Variants in FAT3 observed in about 807,000 individuals in gnomAD.
The protein encoded by FAT3 is FAT atypical cadherin 3, also known as protocadherin Fat 3.
Under a neutral mutation model 310.2 loss-of-function variants are expected in FAT3, and 95 were observed. That is an observed-to-expected ratio of 0.31 (90% CI 0.26 to 0.36). The LOEUF (loss-of-function observed/expected upper bound fraction) is 0.36. Among genes scored for constraint, FAT3 ranks in the 10% least tolerant of loss-of-function variants. The probability of loss-of-function intolerance (pLI) is 1.00; values close to 1 mark genes in which losing one functional copy is unlikely to be tolerated. For missense variants in FAT3, 5,408 were observed against 5,715.6 expected, an observed-to-expected ratio of 0.95 and a Z score of 1.74; for synonymous variants, 2,314 against 2,192.9, an observed-to-expected ratio of 1.06 and a Z score of -1.54.
Position 92,798,463 on chromosome 11 carries a change from A to C in FAT3, c.5450A>C (p.Glu1817Ala), listed in dbSNP as rs773229264. The C allele has an allele frequency of 6.2e-7, 1 of 1,613,588 alleles. No homozygotes were observed. The highest frequency in any genetic ancestry group is 1.1e-5 in the South Asian group (1 of 91,044). Residue 1817 changes from glutamate to alanine, a missense_variant, in exon 10 of 28, where the codon GAG becomes GCG. Glu to Ala is a moderately radical substitution (Grantham distance 107, BLOSUM62 -1). Transcript: ENST00000525166. ...RNALLVYQIV[E>A]STAKKFFTVD... The stretch of plus-strand genomic sequence containing the variant: ...GCTCTGCTTGTGTATCAGATTGTGG[A>C]GTCAACAGCAAAAAAGTTTTTCACG...
chr11:92,571,177 A>G (rs960347093), intron 3 of FAT3, among the ~76,000 whole-genome samples: 1 of 152,216 alleles, frequency 6.6e-6, no homozygotes, highest in Non-Finnish European at 1.5e-5. Flanking sequence ...AGAATGAATT[A>G]GGAGGAAAGA....
chr11:92,804,477 A>G (rs1947447735), intron 10 of FAT3, among the ~76,000 whole-genome samples: 1 of 152,090 alleles, frequency 6.6e-6, no homozygotes, highest in South Asian at 2.1e-4. Flanking sequence ...TCCATGCTTC[A>G]GCATCTTAGA....
chr11:92,759,897 A>C (rs1946100343), intron 4 of FAT3, among the ~76,000 whole-genome samples: 1 of 152,108 alleles, frequency 6.6e-6, no homozygotes, highest in Non-Finnish European at 1.5e-5. Context: ...TTAATTGACA[A>C]GGAGGTGATT....
At chr11:92,719,466 A>T (rs1944792142) in intron 4 of FAT3, among the ~76,000 whole-genome samples, 1 of 147,952 alleles carries the variant, frequency 6.8e-6, no homozygotes, top group South Asian at 2.1e-4. Flanking sequence ...ACATAAAATG[A>T]TGTAGTATTT....
intron 3 of FAT3, among the ~76,000 whole-genome samples, chr11:92,615,521 A>G (rs1233097117): frequency 6.6e-6 from 1 of 152,174 alleles, no homozygotes; most frequent in Non-Finnish European, 1.5e-5. Flanking sequence ...TGCTGGGATT[A>G]CAGGCGTAAG....
intron 1 of FAT3, among the ~76,000 whole-genome samples, chr11:92,351,708 C>T (rs1383410439): frequency 6.6e-6 from 1 of 151,672 alleles, no homozygotes; most frequent in African/African-American, 2.4e-5. Context: ...AGATAATTGT[C>T]TAAATGTTTC....
intron 3 of FAT3, among the ~76,000 whole-genome samples, chr11:92,615,571 G>A (rs1250915180): frequency 6.6e-6 from 1 of 152,136 alleles, no homozygotes; most frequent in African/African-American, 2.4e-5. Context: ...ATGATGTTAG[G>A]TTGTCAATTT....
chr11:92,297,427 A>C (rs1384161105), intron 1 of FAT3, among the ~76,000 whole-genome samples: 1 of 152,168 alleles, frequency 6.6e-6, no homozygotes, highest in African/African-American at 2.4e-5. Flanking sequence ...ACTTTGTAAC[A>C]GTCACAAGAA....
intron 4 of FAT3, among the ~76,000 whole-genome samples, chr11:92,737,206 G>A (rs558416801): frequency 1.2e-4 from 19 of 152,238 alleles, no homozygotes; most frequent in African/African-American, 4.6e-4. Flanking sequence ...GAAAGAAATT[G>A]AAATTTCAAG....
At position 92,602,727 on chromosome 11, in the gene FAT3, A is replaced by C. The variant is rs964269583; in HGVS notation, c.3607+77779A>C. On this transcript the variant is annotated intron_variant, in intron 3 of 27. Transcript: ENST00000525166. ...CTGCCTGTTTGCTTTGTTGTTAAACAGCTACTGTAATCCACTCCAGCCTGA... is the reference window on the plus strand; with the variant it reads ...CTGCCTGTTTGCTTTGTTGTTAAACCGCTACTGTAATCCACTCCAGCCTGA... Among the ~76,000 whole-genome samples the C allele has an allele frequency of 2.0e-5, 3 of 152,360 alleles. No individual in the cohort carries two copies. The South Asian group carries it at 6.2e-4, about 32-fold the overall frequency.
intron 2 of FAT3, among the ~76,000 whole-genome samples, chr11:92,518,669 A>C (rs1193132740): frequency 6.6e-6 from 1 of 152,164 alleles, no homozygotes; most frequent in Admixed American, 6.5e-5. Flanking sequence ...ACAATAAAAA[A>C]AAAAATTGGT....
intron 2 of FAT3, among the ~76,000 whole-genome samples, chr11:92,438,006 A>G (rs1354305485): frequency 1.3e-5 from 2 of 152,150 alleles, no homozygotes; most frequent in Admixed American, 6.5e-5. Context: ...AAGTGGATGT[A>G]TGGAAGGTAT....
At chr11:92,376,481 T>C (rs1949349781) in intron 2 of FAT3, among the ~76,000 whole-genome samples, 1 of 152,220 alleles carries the variant, frequency 6.6e-6, no homozygotes, top group Admixed American at 6.5e-5. Context: ...GGATCTCACA[T>C]GCTCACTTAA....
At chr11:92,661,173 G>A (rs1942767655) in intron 3 of FAT3, among the ~76,000 whole-genome samples, 1 of 152,200 alleles carries the variant, frequency 6.6e-6, no homozygotes, top group Non-Finnish European at 1.5e-5. Flanking sequence ...GCAGGGGTGA[G>A]CCAGCAGAAG....
intron 1 of FAT3, among the ~76,000 whole-genome samples, chr11:92,295,396 G>T (rs1162494968): frequency 6.6e-6 from 1 of 152,118 alleles, no homozygotes; most frequent in Non-Finnish European, 1.5e-5. Flanking sequence ...TTTGGACAGG[G>T]AGTTGAGGAA....
At chr11:92,571,880 T>C (rs1291062595) in intron 3 of FAT3, among the ~76,000 whole-genome samples, 2 of 152,222 alleles carry the variant, frequency 1.3e-5, no homozygotes, top group Non-Finnish European at 2.9e-5. Context: ...CTTGGGTGCC[T>C]ATGCAAGGGC....
chr11:92,526,616 G>A (rs1199394581), intron 3 of FAT3, among the ~76,000 whole-genome samples: 3 of 152,168 alleles, frequency 2.0e-5, no homozygotes, highest in African/African-American at 7.2e-5. Flanking sequence ...AATTTGGGTT[G>A]GATGTGAAGT....
rs1950036268 is a variant in FAT3, at chr11:92,896,409, G to A, written c.*5296G>A. ...CAAAAAAAAACACAACAGTGTACAG[G>A]TTTGTAACTGCCAAAATTTGATGGT... On this transcript the variant is annotated 3_prime_UTR_variant, in exon 28 of 28. Coordinates refer to ENST00000525166, the MANE Select transcript of FAT3 (RefSeq NM_001367949.2). 6.6e-6 allele frequency: 1 copy of A among 151,768 alleles called. No homozygotes were observed. Among genetic ancestry groups the A allele is most frequent in the Admixed American group, 6.6e-5 (1 of 15,236 alleles). 9.4% of individuals were successfully genotyped at this position (151,768 alleles called of 1,614,324 possible). A position where few individuals can be genotyped will look rare whatever the true frequency, so the allele number is the denominator to read the frequency against.
chr11:92,867,264 G>T, intron 22 of FAT3, 55 bp downstream of exon 22: 2 of 1,464,642 alleles, frequency 1.4e-6, no homozygotes, highest in Non-Finnish European at 1.8e-6. Flanking sequence ...GAGAGTGAAT[G>T]AACTGCAGGG....
Sources: gnomAD v4.1 joint callset for allele counts (sites outside exome capture counted in the v4.1 genomes callset) on GRCh38, gnomAD v4.1.1 for gene constraint, MANE v1.5 for transcripts, NCBI Gene and HGNC (gene_info 2026-07-23, HGNC 2026-07-21) for gene names.